The following NEK5 variants were observed in gnomAD, a reference collection of about 807,000 sequenced individuals.
The protein encoded by NEK5 is serine/threonine-protein kinase Nek5.
In NEK5, 88 loss-of-function variants were observed where a neutral mutation model predicts 109.2. That is an observed-to-expected ratio of 0.81 (90% CI 0.68 to 0.96). The LOEUF (loss-of-function observed/expected upper bound fraction) is 0.96. Ranked by LOEUF, NEK5 falls within the 40% of genes least tolerant of loss-of-function variation. The pLI, the probability that NEK5 is intolerant of heterozygous loss-of-function variation, is 0.00. For synonymous variants in NEK5, 283 were observed against 299.9 expected (o/e 0.94, Z 0.58); for missense variants, 834 against 920.7 (o/e 0.91, Z 1.22).
At chr13:52,074,727 A>G (rs1954837222) in intron 19 of NEK5, among the ~76,000 whole-genome samples, 1 of 152,212 alleles carries the variant, frequency 6.6e-6, no homozygotes, top group South Asian at 2.1e-4. Flanking sequence ...TTTGCAAACT[A>G]TGCATCCAAC....
intron 23 of NEK5, among the ~76,000 whole-genome samples, chr13:52,048,244 C>T (rs1248774789): frequency 6.6e-6 from 1 of 151,974 alleles, no homozygotes; most frequent in African/African-American, 2.4e-5. Flanking sequence ...CACTGTGTAT[C>T]CTATGAATAT....
At chr13:52,065,311 G>C in intron 21 of NEK5, 173 bp downstream of exon 21, 1 of 896,920 alleles carries the variant, frequency 1.1e-6, no homozygotes, top group Non-Finnish European at 1.9e-6. Flanking sequence ...AGGATAATTA[G>C]CAGGCAAGTC....
intron 17 of NEK5, among the ~76,000 whole-genome samples, chr13:52,083,040 G>C (rs1018118252): frequency 2.0e-5 from 3 of 152,122 alleles, no homozygotes; most frequent in African/African-American, 7.2e-5. Context: ...CCAGCTACTC[G>C]GGAGCCTGAA....
chr13:52,077,452 G>T (rs565162793), intron 17 of NEK5, among the ~76,000 whole-genome samples: 1 of 152,336 alleles, frequency 6.6e-6, no homozygotes, highest in African/African-American at 2.4e-5. Flanking sequence ...GAGAGAGTTT[G>T]CAAGCCATGG....
intron 17 of NEK5, among the ~76,000 whole-genome samples, chr13:52,080,113 C>G (rs9568703): frequency 4.6e-5 from 5 of 108,980 alleles, no homozygotes; most frequent in East Asian, 3.1e-4. Flanking sequence ...GCAGCCACCC[C>G]GTCTGGGAGG....
At chr13:52,093,658 T>C (rs1955345229) in intron 12 of NEK5, among the ~76,000 whole-genome samples, 1 of 152,212 alleles carries the variant, frequency 6.6e-6, no homozygotes, top group South Asian at 2.1e-4. Context: ...CTGTTTTTCT[T>C]CTATACTTTT....
intron 17 of NEK5, chr13:52,082,089 GT>G (rs1473207897): frequency 5.7e-6 from 1 of 174,992 alleles, no homozygotes; most frequent in African/African-American, 2.4e-5. Flanking sequence ...GCTGAGGCAG[GT>G]GGATCACCCG....
chr13:52,104,209 C>T (rs745373016), intron 9 of NEK5, among the ~76,000 whole-genome samples: 1 of 151,970 alleles, frequency 6.6e-6, no homozygotes, highest in African/African-American at 2.4e-5. Flanking sequence ...GTGATCCACC[C>T]GCCTCAGCCT....
intron 4 of NEK5, among the ~76,000 whole-genome samples, chr13:52,118,500 A>G (rs1426902554): frequency 6.6e-6 from 1 of 152,220 alleles, no homozygotes; most frequent in African/African-American, 2.4e-5. Flanking sequence ...CTCAATAAGT[A>G]TCAGTTCAGT....
At chr13:52,099,662 C>G (rs1422515483) in intron 12 of NEK5, 81 bp downstream of exon 12, 3 of 1,456,392 alleles carry the variant, frequency 2.1e-6, no homozygotes, top group East Asian at 4.6e-5. Flanking sequence ...GAGCGAGACT[C>G]CGTCTCAAAA....
rs898783127 is a variant in NEK5 at position 52,101,755 on chromosome 13, A to G, written c.892+178T>C. On this transcript the variant is annotated intron_variant, in intron 11 of 23. Coordinates refer to ENST00000684899, the MANE Select transcript of NEK5 (RefSeq NM_001365552.1). Reference sequence around the variant, plus strand: ...TGCAGGTCATGCATGAGCTAGATATACAACTTTCAGGCACACTCACTAGTT... The same window carrying G: ...TGCAGGTCATGCATGAGCTAGATATGCAACTTTCAGGCACACTCACTAGTT... 2.0e-5 allele frequency among the ~76,000 whole-genome samples: 3 copies of G among 152,126 alleles called. 1 individual carries two copies. Among genetic ancestry groups the G allele is most frequent in the East Asian group, 3.9e-4 (2 of 5,180 alleles).
At chr13:52,095,581 T>A (rs1269828498) in intron 12 of NEK5, among the ~76,000 whole-genome samples, 5 of 152,222 alleles carry the variant, frequency 3.3e-5, no homozygotes, top group African/African-American at 4.8e-5. Flanking sequence ...ACTTTTCTTA[T>A]TTCTTTAATA....
chr13:52,046,697 C>T (rs1954462639), intron 23 of NEK5, among the ~76,000 whole-genome samples: 1 of 151,654 alleles, frequency 6.6e-6, no homozygotes, highest in South Asian at 2.1e-4. Flanking sequence ...TGCCGCTGCA[C>T]TCCAACCTGG....
Position 52,050,171 on chromosome 13 carries a change from C to T in NEK5, c.2161G>A (p.Val721Ile). Reference sequence around the variant, plus strand: ...ACTTCAATGCCAGAGACCATTTCTACCTTCCCTTCATCTTCTTCTTTGGGT... The same window carrying T: ...ACTTCAATGCCAGAGACCATTTCTATCTTCCCTTCATCTTCTTCTTTGGGT... ...WLPKEEDEGK[V>I]EMVSGIEVDE... The change falls in exon 23 of 24, where the codon GTA becomes ATA. Residue 721 changes from valine (V) to isoleucine (I), a missense_variant. Physicochemically the swap from Val to Ile is conservative, Grantham distance 29. Around this residue, in one of 2 missense-constraint regions of NEK5, gnomAD observed 57 missense variants for 96.0 expected, o/e 0.59. Coordinates refer to ENST00000684899, the MANE Select transcript of NEK5 (RefSeq NM_001365552.1). 1 of 985,800 alleles carries T rather than the reference C, an allele frequency of 1.0e-6. No individual in the cohort carries two copies. Among genetic ancestry groups the T allele is most frequent in the Non-Finnish European group, 1.2e-6 (1 of 829,856 alleles). The allele number at this position is 985,800 out of a possible 1,614,324, so 61.1% of individuals were successfully genotyped here.
Position 52,063,924 on chromosome 13 carries a change from A to G in NEK5, c.1975+1560T>C, listed in dbSNP as rs1954639671. 2.0e-5 allele frequency among the ~76,000 whole-genome samples: 3 copies of G among 147,170 alleles called. No individual in the cohort carries two copies. In the South Asian group the frequency reaches 6.7e-4, roughly 33 times the overall value. On this transcript the variant is annotated intron_variant, in intron 21 of 23. Transcript: ENST00000684899. ...GGTGGGGGTCAGCCCCTGCCAGGCCAGCCGCCCCGTCCGGGAGGGAGGTGG... is the reference window on the plus strand; with the variant it reads ...GGTGGGGGTCAGCCCCTGCCAGGCCGGCCGCCCCGTCCGGGAGGGAGGTGG...
At chr13:52,124,741 T>C (rs1367052318) in intron 3 of NEK5, among the ~76,000 whole-genome samples, 1 of 152,228 alleles carries the variant, frequency 6.6e-6, no homozygotes, top group Non-Finnish European at 1.5e-5. Context: ...TCGATTTCTT[T>C]GAATTTATTT....
chr13:52,117,372 C>T (rs759390524), intron 4 of NEK5, among the ~76,000 whole-genome samples: 7 of 152,176 alleles, frequency 4.6e-5, no homozygotes, highest in Non-Finnish European at 7.3e-5. Context: ...TAGTTCAAGT[C>T]CCAGCAATCA....
intron 17 of NEK5, among the ~76,000 whole-genome samples, chr13:52,080,525 CTT>C (rs1954983868): frequency 6.6e-6 from 1 of 152,088 alleles, no homozygotes. Context: ...ACATGGGAGA[CTT>C]TTCATTTTGT....
At position 52,104,510 on chromosome 13, in the gene NEK5, T is replaced by C; in HGVS notation, c.597A>G (p.Thr199=). ...SLGCVLYELC[T]LKHPFEGNNL... is the part of the protein sequence containing the mutation. ...TGAGCATACTTACAGGATGTTTAAG[T>C]GTGCAGAGCTCATATAAGACACAGC... Residue 199 remains threonine (T), a synonymous_variant, in exon 9 of 24, where the codon ACA becomes ACG. Transcript: ENST00000684899. 6.2e-7 allele frequency: 1 copy of C among 1,603,368 alleles called. No homozygotes were observed. Among genetic ancestry groups the C allele is most frequent in the Non-Finnish European group, 8.5e-7 (1 of 1,170,280 alleles).
Sources: gnomAD v4.1 joint callset for allele counts (sites outside exome capture counted in the v4.1 genomes callset) on GRCh38, gnomAD v4.1.1 for gene constraint, gnomAD v4.1.1 regional missense constraint, MANE v1.5 for transcripts, NCBI Gene and HGNC (gene_info 2026-07-23, HGNC 2026-07-21) for gene names.